Variants in TMEFF2 observed in about 807,000 individuals in gnomAD.
TMEFF2 encodes transmembrane protein with EGF like and two follistatin like domains 2.
In TMEFF2, 28 loss-of-function variants were observed where a neutral mutation model predicts 53.8. The ratio of observed to expected loss-of-function variants is 0.52; its 90% CI spans 0.39 to 0.71. TMEFF2 has a LOEUF of 0.71. Among genes scored for constraint, TMEFF2 ranks in the 30% least tolerant of loss-of-function variants. The probability of loss-of-function intolerance (pLI) is 0.00; values close to 1 mark genes in which losing one functional copy is unlikely to be tolerated. For missense variants in TMEFF2, 353 were observed against 455.2 expected (o/e 0.78, Z 2.04); for synonymous variants, 162 against 166.3 (o/e 0.97, Z 0.20).
intron 4 of TMEFF2, among the ~76,000 whole-genome samples, chr2:192,130,923 C>A (rs1689808909): frequency 6.6e-6 from 1 of 150,844 alleles, no homozygotes; most frequent in Non-Finnish European, 1.5e-5. Flanking sequence ...ACTGGGAAGG[C>A]AGCCTTCCCT....
chr2:192,024,009 A>T (rs1326092559), intron 5 of TMEFF2, among the ~76,000 whole-genome samples: 1 of 152,188 alleles, frequency 6.6e-6, no homozygotes, highest in Middle Eastern at 3.2e-3. Context: ...TTGGGGATGA[A>T]TGTGTGACAA....
chr2:192,001,761 AC>A (rs1333249566), intron 5 of TMEFF2, among the ~76,000 whole-genome samples: 1 of 78,858 alleles, frequency 1.3e-5, no homozygotes, highest in Non-Finnish European at 3.3e-5. Flanking sequence ...CACACCTTTC[AC>A]CTTCTGCCAT....
chr2:192,066,938 CTTAT>C (rs1053039011), intron 4 of TMEFF2, among the ~76,000 whole-genome samples: 14 of 151,490 alleles, frequency 9.2e-5, no homozygotes, highest in East Asian at 1.9e-4. Context: ...TAATTTTTTC[CTTAT>C]TTAATTCCTG....
At chr2:191,991,930 G>A (rs1686119670) in intron 7 of TMEFF2, among the ~76,000 whole-genome samples, 1 of 151,964 alleles carries the variant, frequency 6.6e-6, no homozygotes, top group Admixed American at 6.6e-5. Flanking sequence ...TGATTTTATG[G>A]GGAAAACAAT....
chr2:192,145,588 T>G (rs1342554538), intron 4 of TMEFF2, among the ~76,000 whole-genome samples: 1 of 151,968 alleles, frequency 6.6e-6, no homozygotes, highest in Non-Finnish European at 1.5e-5. Context: ...TTAAATAATC[T>G]TTTGGGGATG....
intron 7 of TMEFF2, among the ~76,000 whole-genome samples, chr2:191,958,826 G>T (rs1218521359): frequency 3.3e-5 from 5 of 151,980 alleles, no homozygotes; most frequent in Non-Finnish European, 1.5e-5. Context: ...ATGATCTCTG[G>T]GCAAGAAAAT....
At chr2:192,016,615 A>G (rs904836060) in intron 5 of TMEFF2, among the ~76,000 whole-genome samples, 3 of 152,236 alleles carry the variant, frequency 2.0e-5, no homozygotes, top group Admixed American at 6.5e-5. Context: ...GCTAGTTATT[A>G]GAAGTCCAGT....
chr2:192,113,066 C>T (rs1689321994), intron 4 of TMEFF2, among the ~76,000 whole-genome samples: 1 of 152,088 alleles, frequency 6.6e-6, no homozygotes, highest in South Asian at 2.1e-4. Context: ...ATCTGAAAAT[C>T]TATATTTTGT....
At chr2:192,014,804 T>A (rs938294876) in intron 5 of TMEFF2, among the ~76,000 whole-genome samples, 1 of 152,234 alleles carries the variant, frequency 6.6e-6, no homozygotes, top group Non-Finnish European at 1.5e-5. Context: ...TTCAAAAGTT[T>A]AGGTAGAACA....
intron 7 of TMEFF2, among the ~76,000 whole-genome samples, chr2:191,983,639 C>A (rs1006363694): frequency 2.6e-5 from 4 of 152,158 alleles, no homozygotes; most frequent in Admixed American, 6.5e-5. Flanking sequence ...AGGAGCCTTG[C>A]ACAGCTCTGA....
At chr2:192,030,717 G>T (rs981844447) in intron 5 of TMEFF2, 10 of 152,072 alleles carry the variant, frequency 6.6e-5, no homozygotes, top group African/African-American at 2.4e-4. Flanking sequence ...GGTACTATGG[G>T]TCTGAACTAC....
chr2:192,085,445 G>A (rs1443681526), intron 4 of TMEFF2, among the ~76,000 whole-genome samples: 1 of 152,098 alleles, frequency 6.6e-6, no homozygotes, highest in Non-Finnish European at 1.5e-5. Context: ...ACATAGTCGG[G>A]CATCACTCAC....
chr2:191,968,191 G>A (rs1409204670), intron 7 of TMEFF2, among the ~76,000 whole-genome samples: 1 of 152,182 alleles, frequency 6.6e-6, no homozygotes, highest in East Asian at 1.9e-4. Context: ...CTGAGAAAAG[G>A]TGCAGATTAT....
chr2:192,109,749 C>T (rs1037673705), intron 4 of TMEFF2, among the ~76,000 whole-genome samples: 6 of 152,056 alleles, frequency 3.9e-5, no homozygotes, highest in Non-Finnish European at 4.4e-5. Context: ...TTGATATGTG[C>T]GAAATGTGTG....
At position 192,132,906 on chromosome 2, in the gene TMEFF2, C is replaced by T. The variant is rs535504052; in HGVS notation, c.439+46762G>A. Among the ~76,000 whole-genome samples, 29 of 152,254 alleles carry T rather than the reference C, an allele frequency of 1.9e-4. No homozygotes were observed. In the South Asian group the frequency reaches 5.8e-3, roughly 30 times the overall value. ...GCTGAAGACTGACGCTGCCTGATCA[C>T]CTCGAAAGCCCCGTAGACCATCACA... On this transcript the variant is annotated intron_variant, in intron 4 of 9. Transcript: ENST00000272771.
chr2:192,076,511 T>A (rs1396984288), intron 4 of TMEFF2, among the ~76,000 whole-genome samples: 1 of 152,148 alleles, frequency 6.6e-6, no homozygotes, highest in Non-Finnish European at 1.5e-5. Context: ...CAACACTTAC[T>A]AAACACGTAA....
intron 5 of TMEFF2, chr2:192,028,767 C>T (rs1260086445): frequency 6.6e-6 from 1 of 152,054 alleles, no homozygotes; most frequent in Non-Finnish European, 1.5e-5. Flanking sequence ...CTATGAGATA[C>T]AAATTGTGTA....
In TMEFF2 at chr2:191,956,308, G is replaced by A; in HGVS notation, c.816C>T (p.Phe272=). 1 of 1,614,046 alleles carries A rather than the reference G, an allele frequency of 6.2e-7. No individual in the cohort carries two copies. Residue 272 remains phenylalanine, a synonymous_variant, in exon 8 of 10, where the codon TTC becomes TTT. Transcript: ENST00000272771. ...HIPCPEHYNG[F]CMHGKCEHSI... ...AATGCTCACACTTCCCATGCATGCA[G>A]AAGCCATTGTAATGTTCCGGACAAG...
chr2:192,064,125 G>A (rs1468540208), intron 4 of TMEFF2, among the ~76,000 whole-genome samples: 1 of 151,660 alleles, frequency 6.6e-6, no homozygotes, highest in Non-Finnish European at 1.5e-5. Context: ...TTTTTTGTGT[G>A]TAATAAAGTA....
Sources: allele counts gnomAD v4.1 joint callset (sites outside exome capture counted in the v4.1 genomes callset), GRCh38; gene constraint gnomAD v4.1.1; transcripts MANE v1.5; gene names NCBI Gene and HGNC (gene_info 2026-07-23, HGNC 2026-07-21).